The following LYST variants were observed in gnomAD, a reference collection of about 807,000 sequenced individuals.
LYST encodes lysosomal trafficking regulator.
A neutral mutation model predicts 413.6 loss-of-function variants in LYST; 192 were observed. That is an observed-to-expected ratio of 0.46 (90% CI 0.41 to 0.52). LYST has a LOEUF of 0.52. LYST is among the 20% of genes least tolerant of loss of function. The pLI, the probability that LYST is intolerant of heterozygous loss-of-function variation, is 0.00. For synonymous variants in LYST, 1,525 were observed against 1,567.3 expected, an observed-to-expected ratio of 0.97 and a Z score of 0.64; for missense variants, 3,815 against 4,499.9, an observed-to-expected ratio of 0.85 and a Z score of 4.35.
intron 39 of LYST, among the ~76,000 whole-genome samples, chr1:235,723,294 G>A (rs2103172518): frequency 6.6e-6 from 1 of 152,314 alleles, no homozygotes; most frequent in South Asian, 2.1e-4. Flanking sequence ...CAATATGTGA[G>A]TGTGGCATTC....
intron 5 of LYST, among the ~76,000 whole-genome samples, chr1:235,807,975 CATAAG>C (rs1673052036): frequency 6.6e-6 from 1 of 151,942 alleles, no homozygotes; most frequent in African/African-American, 2.4e-5. Context: ...ATATTTTACC[CATAAG>C]ATATTATAAT....
At chr1:235,760,460 A>G (rs1667477463) in intron 22 of LYST, among the ~76,000 whole-genome samples, 1 of 152,122 alleles carries the variant, frequency 6.6e-6, no homozygotes, top group Non-Finnish European at 1.5e-5. Context: ...TCTCTAATTT[A>G]CTGCTTCTAA....
chr1:235,872,468 G>T (rs1007962701), intron 1 of LYST, among the ~76,000 whole-genome samples: 1 of 152,120 alleles, frequency 6.6e-6, no homozygotes, highest in Non-Finnish European at 1.5e-5. Flanking sequence ...ATAGACCGAG[G>T]GGGGATCCAG....
intron 1 of LYST, among the ~76,000 whole-genome samples, chr1:235,846,054 A>G (rs1046977943): frequency 2.0e-5 from 3 of 152,162 alleles, no homozygotes; most frequent in Non-Finnish European, 4.4e-5. Context: ...GAGCATTAAA[A>G]CATGGCCAAC....
Position 235,759,174 on chromosome 1 carries a change from G to A in LYST, c.6679C>T (p.Pro2227Ser), listed in dbSNP as rs745513819. The change falls in exon 23 of 53, where the codon CCT becomes TCT. Residue 2227 changes from proline to serine, a missense_variant. By Grantham distance (74) the Pro-to-Ser change is moderately conservative. Coordinates refer to ENST00000389793, the MANE Select transcript of LYST (RefSeq NM_000081.4). ...SPGDESCPRR[P>S]DYLKGLASFQ... ...GAGGCCAATCCCTTTAGGTAATCAGGTCGGCGTGGGCAGGACTCATCCCCA... is the reference window on the plus strand; with the variant it reads ...GAGGCCAATCCCTTTAGGTAATCAGATCGGCGTGGGCAGGACTCATCCCCA... The A allele has an allele frequency of 1.9e-6, 3 of 1,614,116 alleles. No homozygotes were observed. In the East Asian group the frequency reaches 6.7e-5, roughly 36 times the overall value.
Position 235,792,103 on chromosome 1 carries a change from A to T in LYST, c.4139T>A (p.Leu1380Gln). The T allele has an allele frequency of 6.2e-7, 1 of 1,610,568 alleles. No homozygotes were observed. The highest frequency in any genetic ancestry group is 8.5e-7 in the Non-Finnish European group (1 of 1,177,164). Residue 1380 changes from leucine (L) to glutamine (Q), a missense_variant, in exon 12 of 53, where the codon CTG becomes CAG. Around this residue, in one of 4 missense-constraint regions of LYST, gnomAD observed 1,648 missense variants for 1,810.3 expected, o/e 0.91. Transcript: ENST00000389793. ...PCTKILLLGI[L>Q]KIIESDTTMS... ...AGTAGTATCACTTTCAATAATTTTC[A>T]GAATACCCAGAAGAAGAATTTTCTA...
chr1:235,872,092 T>C (rs1385098782), intron 1 of LYST, among the ~76,000 whole-genome samples: 2 of 152,140 alleles, frequency 1.3e-5, no homozygotes, highest in African/African-American at 2.4e-5. Flanking sequence ...AGTCAGGAGT[T>C]CGTGACCAGC....
chr1:235,803,473 A>G (rs997737458), intron 7 of LYST, among the ~76,000 whole-genome samples: 3 of 152,196 alleles, frequency 2.0e-5, no homozygotes, highest in Non-Finnish European at 1.5e-5. Context: ...TAAATGCCTT[A>G]TAAGTTAGGT....
At chr1:235,801,157 C>A in intron 8 of LYST, 60 bp from the exon 9 acceptor site, 2 of 1,093,266 alleles carry the variant, frequency 1.8e-6, no homozygotes, top group Non-Finnish European at 1.4e-6. Context: ...TTTCAAACTT[C>A]ATTAATCATT....
intron 50 of LYST, among the ~76,000 whole-genome samples, chr1:235,675,321 T>G (rs975868740): frequency 6.6e-6 from 1 of 152,222 alleles, no homozygotes; most frequent in Non-Finnish European, 1.5e-5. Flanking sequence ...ATGTTTATCA[T>G]AGTTAGAAAA....
At chr1:235,711,517 C>T (rs1662397837) in intron 43 of LYST, among the ~76,000 whole-genome samples, 2 of 151,944 alleles carry the variant, frequency 1.3e-5, no homozygotes, top group African/African-American at 2.4e-5. Context: ...CCAAAGATAC[C>T]CCTTAAAGGG....
rs973487222 is a variant in LYST, at chr1:235,767,947, T to TAA, written c.5923-1671_5923-1670insTT. On this transcript the variant is annotated intron_variant, in intron 20 of 52. Coordinates refer to ENST00000389793, the MANE Select transcript of LYST (RefSeq NM_000081.4). ...CCTCTGCCGACCTCTGGCTTTCACTTTACTGAGTCTCCTCTTAGCTTTTCA... is the reference window on the plus strand; with the variant it reads ...CCTCTGCCGACCTCTGGCTTTCACTTAATACTGAGTCTCCTCTTAGCTTTTCA... Among the ~76,000 whole-genome samples, 276 of 152,230 alleles carry TAA rather than the reference T, an allele frequency of 1.8e-3. 2 individuals are homozygous for TAA. Among genetic ancestry groups the TAA allele is most frequent in the African/African-American group, 6.4e-3 (268 of 41,584 alleles).
Position 235,794,398 on chromosome 1 carries a change from G to A in LYST, c.4007-786C>T, listed in dbSNP as rs545556404. On this transcript the variant is annotated intron_variant, in intron 10 of 52. Coordinates refer to ENST00000389793, the MANE Select transcript of LYST (RefSeq NM_000081.4). ...TGAACATTTTCTTTATTCCATCATA[G>A]GTTTAGCATAAAACATAAATGGTGA... 7.9e-5 allele frequency among the ~76,000 whole-genome samples: 12 copies of A among 152,016 alleles called. No homozygotes were observed. In the South Asian group the frequency reaches 8.3e-4, roughly 10 times the overall value.
At chr1:235,879,961 T>C (rs1377914297) in intron 1 of LYST, among the ~76,000 whole-genome samples, 2 of 152,166 alleles carry the variant, frequency 1.3e-5, no homozygotes, top group Admixed American at 1.3e-4. Context: ...GATCTCGAAC[T>C]CCTGACCTCA....
chr1:235,734,699 T>TGTAAGAATTAA, intron 31 of LYST, 40 bp from the exon 32 acceptor site: 1 of 1,351,676 alleles, frequency 7.4e-7, no homozygotes, highest in Non-Finnish European at 1.0e-6. Context: ...TTTAGAATTT[T>TGTAAGAATTAA]AATTCTTACA....
intron 40 of LYST, among the ~76,000 whole-genome samples, chr1:235,720,173 CAAAAAAAAAAAAAAAAAAAA>C (rs71576484): frequency 1.1e-4 from 1 of 9,476 alleles, no homozygotes; most frequent in African/African-American, 2.3e-4. Flanking sequence ...GACTCTGTCT[CAAAAAAAAAAAAAAAAAAAA>C]AAAAAAAAAG....
chr1:235,701,330 T>G (rs934280716), intron 45 of LYST, among the ~76,000 whole-genome samples: 1 of 152,176 alleles, frequency 6.6e-6, no homozygotes, highest in Non-Finnish European at 1.5e-5. Context: ...TATGCTGACA[T>G]GTTAAAGTGA....
intron 1 of LYST, among the ~76,000 whole-genome samples, chr1:235,876,046 A>C (rs1681118076): frequency 6.6e-6 from 1 of 151,756 alleles, no homozygotes; most frequent in South Asian, 2.1e-4. Flanking sequence ...AACATGGTGA[A>C]ACCCCATCTC....
At chr1:235,845,862 C>T (rs754648430) in intron 1 of LYST, among the ~76,000 whole-genome samples, 1 of 152,086 alleles carries the variant, frequency 6.6e-6, no homozygotes, top group Non-Finnish European at 1.5e-5. Context: ...TGAGCTCATA[C>T]ACACCTAGCC....
Sources: allele counts gnomAD v4.1 joint callset (sites outside exome capture counted in the v4.1 genomes callset), GRCh38; gene constraint gnomAD v4.1.1; regional missense constraint gnomAD v4.1.1; transcripts MANE v1.5; gene names NCBI Gene and HGNC (gene_info 2026-07-23, HGNC 2026-07-21).